ZNF148: variants seen among roughly 807,000 people sequenced by gnomAD.
The protein encoded by ZNF148 is zinc finger protein 148, also known as Beta-Enolase Repressor Factor-1.
A neutral mutation model predicts 67.7 loss-of-function variants in ZNF148; 7 were observed. That is an observed-to-expected ratio of 0.10 (90% confidence interval 0.06 to 0.19). The LOEUF (loss-of-function observed/expected upper bound fraction) is 0.19. ZNF148 is among the 10% of genes least tolerant of loss of function. The pLI is 1.00. For synonymous variants in ZNF148, 333 were observed against 330.7 expected, an observed-to-expected ratio of 1.01 and a Z score of -0.08; for missense variants, 583 against 947.1, an observed-to-expected ratio of 0.62 and a Z score of 5.05.
intron 5 of ZNF148, among the ~76,000 whole-genome samples, chr3:125,284,879 G>A (rs1460273983): frequency 1.5e-5 from 2 of 135,966 alleles, no homozygotes; most frequent in Admixed American, 7.7e-5. Flanking sequence ...CCTACCTTAA[G>A]ATGATCAGGC....
In ZNF148 at chr3:125,360,452, A is replaced by C. The variant is rs1942501227; in HGVS notation, c.-234+14650T>G. 2.0e-5 allele frequency among the ~76,000 whole-genome samples: 3 copies of C among 151,814 alleles called. No individual in the cohort carries two copies. In the South Asian group the frequency reaches 6.3e-4, roughly 32 times the overall value. On this transcript the variant is annotated intron_variant, in intron 1 of 8. Transcript: ENST00000360647. ...AGGTGTGCACCACCATGCCCAGCTAATTTTTTATTTTTGTGTAGAGACAGG... is the reference window on the plus strand; with the variant it reads ...AGGTGTGCACCACCATGCCCAGCTACTTTTTTATTTTTGTGTAGAGACAGG...
At chr3:125,336,154 A>G (rs1279942091) in intron 1 of ZNF148, among the ~76,000 whole-genome samples, 1 of 152,202 alleles carries the variant, frequency 6.6e-6, no homozygotes, top group East Asian at 1.9e-4. Context: ...TTAACTGTTT[A>G]TGCTCCCATG....
chr3:125,278,668 C>T (rs769951914), intron 6 of ZNF148, among the ~76,000 whole-genome samples: 22 of 152,048 alleles, frequency 1.4e-4, no homozygotes, highest in Admixed American at 6.5e-5. Context: ...GTTTTTCTTC[C>T]TCATTTCATC....
intron 4 of ZNF148, among the ~76,000 whole-genome samples, chr3:125,305,921 C>T (rs537707098): frequency 6.6e-6 from 1 of 152,050 alleles, no homozygotes; most frequent in South Asian, 2.1e-4. Context: ...AGAACACTCA[C>T]CAAACAGATC....
rs1297060504 is a variant in ZNF148, at chr3:125,313,646, A to C, written c.-6T>G. ...AGTTTGTCGTCAATGTTCATGCTTAAGTATAACTGCCTAGAAAACCAAGTT... is the reference window on the plus strand; with the variant it reads ...AGTTTGTCGTCAATGTTCATGCTTACGTATAACTGCCTAGAAAACCAAGTT... On this transcript the variant is annotated 5_prime_UTR_variant, in exon 4 of 9. Transcript: ENST00000360647. 1 of 1,600,160 alleles carries C rather than the reference A, an allele frequency of 6.2e-7. No homozygotes were observed. The highest frequency in any genetic ancestry group is 1.7e-5 in the Admixed American group (1 of 59,430).
chr3:125,309,940 T>C (rs918192698), intron 4 of ZNF148, among the ~76,000 whole-genome samples: 1 of 152,116 alleles, frequency 6.6e-6, no homozygotes, highest in African/African-American at 2.4e-5. Flanking sequence ...CTTAAGAGAA[T>C]AGCAATCATA....
intron 3 of ZNF148, among the ~76,000 whole-genome samples, chr3:125,317,662 T>TATAGAGAGAGAGAGAG (rs752542874): frequency 0.022 from 2,021 of 90,000 alleles, 79 homozygotes; most frequent in African/African-American, 0.069. Flanking sequence ...TATATATATA[T>TATAGAGAGAGAGAGAG]AGAGAGAGAG....
chr3:125,289,175 G>GT (rs1301628802), intron 4 of ZNF148, among the ~76,000 whole-genome samples: 1 of 152,142 alleles, frequency 6.6e-6, no homozygotes, highest in East Asian at 1.9e-4. Flanking sequence ...GAATAATTCA[G>GT]TAAGTACAAT....
intron 4 of ZNF148, among the ~76,000 whole-genome samples, chr3:125,307,035 A>G (rs1939914560): frequency 7.0e-6 from 1 of 143,086 alleles, no homozygotes; most frequent in Admixed American, 7.2e-5. Context: ...CAATATACCT[A>G]AAAACGACAT....
chr3:125,265,959 T>C (rs558417359), intron 7 of ZNF148, among the ~76,000 whole-genome samples: 1 of 152,018 alleles, frequency 6.6e-6, no homozygotes, highest in South Asian at 2.1e-4. Context: ...AAACCAACAG[T>C]AAAAAAAGAC....
In ZNF148 at chr3:125,313,559, C is replaced by A; in HGVS notation, c.82G>T (p.Val28Leu). Residue 28 changes from valine (V) to leucine (L), a missense_variant, in exon 4 of 9, where the codon GTA becomes TTA. This residue lies in a region of ZNF148 where 150 missense variants were observed against 202.5 expected (regional missense o/e 0.74). Transcript: ENST00000360647. The stretch of plus-strand genomic sequence containing the variant: ...GACTGGCCAGACACTCCACCCATTA[C>A]AACCATTGTCCTGGAAGACTGCATT... The part of the protein sequence containing the change: ...DEMQSSRTMV[V>L]MGGVSGQSTV... 1.2e-6 allele frequency: 2 copies of A among 1,614,202 alleles called. No homozygotes were observed. The highest frequency in any genetic ancestry group is 1.7e-6 in the Non-Finnish European group (2 of 1,180,028).
chr3:125,337,945 A>G (rs1042388136), intron 1 of ZNF148, among the ~76,000 whole-genome samples: 1 of 152,056 alleles, frequency 6.6e-6, no homozygotes, highest in Non-Finnish European at 1.5e-5. Flanking sequence ...CTACAAAAAA[A>G]AAAAATTTTT....
chr3:125,266,730 C>T (rs1226241927), intron 7 of ZNF148, among the ~76,000 whole-genome samples: 1 of 151,866 alleles, frequency 6.6e-6, no homozygotes, highest in Non-Finnish European at 1.5e-5. Context: ...AGAAATGAAA[C>T]TGAGACCCAA....
chr3:125,310,716 T>G (rs1349618044), intron 4 of ZNF148, among the ~76,000 whole-genome samples: 2 of 152,184 alleles, frequency 1.3e-5, no homozygotes, highest in African/African-American at 2.4e-5. Flanking sequence ...CCTCTACCAC[T>G]GGGCAGGGGG....
At chr3:125,267,145 T>C (rs1937550572) in intron 7 of ZNF148, among the ~76,000 whole-genome samples, 1 of 150,202 alleles carries the variant, frequency 6.7e-6, no homozygotes, top group Non-Finnish European at 1.5e-5. Context: ...AAAAGACAGC[T>C]GGTACCAATC....
chr3:125,284,567 A>T (rs545031107), intron 5 of ZNF148, among the ~76,000 whole-genome samples: 9 of 152,250 alleles, frequency 5.9e-5, no homozygotes, highest in African/African-American at 1.4e-4. Context: ...TTCAACTGCA[A>T]TACGCAATTT....
intron 1 of ZNF148, among the ~76,000 whole-genome samples, chr3:125,374,600 C>T (rs1244042332): frequency 6.6e-6 from 1 of 152,112 alleles, no homozygotes; most frequent in Non-Finnish European, 1.5e-5. Flanking sequence ...GTTCGCACTC[C>T]CACTACGTTT....
chr3:125,282,291 T>C (rs1938433403), intron 5 of ZNF148, among the ~76,000 whole-genome samples: 1 of 152,104 alleles, frequency 6.6e-6, no homozygotes, highest in South Asian at 2.1e-4. Context: ...ACCAGCTGAG[T>C]GTGTTTGCCT....
At chr3:125,374,276 C>T (rs558241707) in intron 1 of ZNF148, among the ~76,000 whole-genome samples, 1 of 152,296 alleles carries the variant, frequency 6.6e-6, no homozygotes, top group South Asian at 2.1e-4. Flanking sequence ...TAGGCCATCC[C>T]GGCCCATCTG....
Sources: gnomAD v4.1 joint callset for allele counts (sites outside exome capture counted in the v4.1 genomes callset) on GRCh38, gnomAD v4.1.1 for gene constraint, gnomAD v4.1.1 regional missense constraint, MANE v1.5 for transcripts, NCBI Gene and HGNC (gene_info 2026-07-23, HGNC 2026-07-21) for gene names.